FOXP2: variants seen among roughly 807,000 people sequenced by gnomAD.
FOXP2 encodes forkhead box P2, also known as forkhead box protein P2.
A neutral mutation model predicts 115.8 loss-of-function variants in FOXP2; 12 were observed. The observed-to-expected ratio is 0.10, with a 90% CI of 0.07 to 0.17. The LOEUF is 0.17. FOXP2 is among the 10% of genes least tolerant of loss of function. The probability of loss-of-function intolerance (pLI) is 1.00; values close to 1 mark genes in which losing one functional copy is unlikely to be tolerated. For synonymous variants in FOXP2, 328 were observed against 297.7 expected, an observed-to-expected ratio of 1.10 and a Z score of -1.05; for missense variants, 629 against 843.5, an observed-to-expected ratio of 0.75 and a Z score of 3.15.
chr7:114,624,995 A>G (rs1490448636), intron 3 of FOXP2, among the ~76,000 whole-genome samples: 1 of 151,550 alleles, frequency 6.6e-6, no homozygotes, highest in South Asian at 2.1e-4. Flanking sequence ...TTTAGAATGC[A>G]TAAACCTATC....
At chr7:114,556,125 A>T (rs1800441575) in intron 3 of FOXP2, among the ~76,000 whole-genome samples, 1 of 152,206 alleles carries the variant, frequency 6.6e-6, no homozygotes. Flanking sequence ...TTCATGTCAA[A>T]TGGTAAGAAG....
chr7:114,621,543 C>T (rs865897012), intron 3 of FOXP2, among the ~76,000 whole-genome samples: 1 of 152,030 alleles, frequency 6.6e-6, no homozygotes, highest in African/African-American at 2.4e-5. Context: ...CCTCAGTTTT[C>T]CCTTTTTTTC....
chr7:114,281,170 C>T (rs1055173096), intron 1 of FOXP2, among the ~76,000 whole-genome samples: 3 of 122,600 alleles, frequency 2.4e-5, no homozygotes, highest in Non-Finnish European at 4.8e-5. Flanking sequence ...GGCGTAATTT[C>T]GGCTCACTGC....
intron 1 of FOXP2, among the ~76,000 whole-genome samples, chr7:114,277,524 T>TA (rs965443991): frequency 1.3e-5 from 2 of 151,844 alleles, no homozygotes; most frequent in Admixed American, 6.6e-5. Flanking sequence ...TAAAGACCAT[T>TA]AAAAAAAACC....
At chr7:114,628,962 TTTG>T (rs1804744026) in intron 4 of FOXP2, 1 of 358,234 alleles carries the variant, frequency 2.8e-6, no homozygotes, top group Non-Finnish European at 5.2e-6. Context: ...GTACATTCAA[TTTG>T]TTGACTTGCC....
chr7:114,612,364 A>G (rs1191451657), intron 3 of FOXP2, among the ~76,000 whole-genome samples: 1 of 116,372 alleles, frequency 8.6e-6, no homozygotes, highest in Non-Finnish European at 1.8e-5. Flanking sequence ...ATATATGTAT[A>G]TATATACTAT....
intron 1 of FOXP2, among the ~76,000 whole-genome samples, chr7:114,143,909 G>A (rs981999380): frequency 2.0e-5 from 3 of 151,858 alleles, no homozygotes; most frequent in Admixed American, 6.6e-5. Context: ...CTTCATGATG[G>A]TATGAAACCA....
intron 2 of FOXP2, among the ~76,000 whole-genome samples, chr7:114,357,101 T>A (rs1437234012): frequency 6.6e-6 from 1 of 152,152 alleles, no homozygotes; most frequent in Non-Finnish European, 1.5e-5. Context: ...ATTAACTCTG[T>A]AAGTAAATGC....
chr7:114,144,239 T>C (rs1025384478), intron 1 of FOXP2, among the ~76,000 whole-genome samples: 2 of 152,164 alleles, frequency 1.3e-5, no homozygotes, highest in Non-Finnish European at 2.9e-5. Flanking sequence ...TCAAGGAGTA[T>C]CTGTATTTTT....
At chr7:114,510,501 C>T (rs1392262438) in intron 2 of FOXP2, among the ~76,000 whole-genome samples, 1 of 152,076 alleles carries the variant, frequency 6.6e-6, no homozygotes, top group Non-Finnish European at 1.5e-5. Flanking sequence ...TGTGAAAGGG[C>T]CCATTTTGCT....
chr7:114,233,550 G>A (rs981037938), intron 1 of FOXP2, among the ~76,000 whole-genome samples: 14 of 152,232 alleles, frequency 9.2e-5, no homozygotes, highest in Non-Finnish European at 1.2e-4. Context: ...GAGTGGATTA[G>A]CTGGGGCTCT....
At chr7:114,161,175 T>G (rs545642044), upstream of FOXP2, among the ~76,000 whole-genome samples, 1 of 152,324 alleles carries the variant, frequency 6.6e-6, no homozygotes, top group South Asian at 2.1e-4. Context: ...AAGTGCCTGT[T>G]GATAAGTTTC....
intron 2 of FOXP2, among the ~76,000 whole-genome samples, chr7:114,464,649 T>C (rs568159555): frequency 6.6e-6 from 1 of 152,362 alleles, no homozygotes; most frequent in African/African-American, 2.4e-5. Context: ...GTTTCTGTTT[T>C]TGTTTTTTCA....
chr7:114,356,173 GGTAA>G (rs1379026729), intron 2 of FOXP2, among the ~76,000 whole-genome samples: 5 of 152,014 alleles, frequency 3.3e-5, no homozygotes, highest in Non-Finnish European at 7.4e-5. Flanking sequence ...TAAATAAGTT[GGTAA>G]GTAAGTAAAT....
At chr7:114,207,782 TTACTC>T (rs1563005674) in intron 1 of FOXP2, among the ~76,000 whole-genome samples, 1 of 152,336 alleles carries the variant, frequency 6.6e-6, no homozygotes, top group South Asian at 2.1e-4. Context: ...TGTCTTCAGA[TTACTC>T]TACAATAGGA....
At chr7:114,443,398 A>G (rs986165582) in intron 2 of FOXP2, among the ~76,000 whole-genome samples, 6 of 152,144 alleles carry the variant, frequency 3.9e-5, no homozygotes, top group Non-Finnish European at 2.9e-5. Context: ...TTGTACTGAC[A>G]ATCACTTCCT....
chr7:114,142,416 A>G (rs555427456), intron 1 of FOXP2, among the ~76,000 whole-genome samples: 1 of 152,262 alleles, frequency 6.6e-6, no homozygotes, highest in African/African-American at 2.4e-5. Flanking sequence ...AATTTTCTTA[A>G]TATTATAAAT....
chr7:114,434,496 A>G (rs969233740), intron 2 of FOXP2, among the ~76,000 whole-genome samples: 1 of 151,560 alleles, frequency 6.6e-6, no homozygotes, highest in African/African-American at 2.4e-5. Flanking sequence ...TAAATAATTA[A>G]TAGTAAATTT....
chr7:114,334,888 C>CTG (rs1438671810), intron 2 of FOXP2, among the ~76,000 whole-genome samples: 33 of 139,566 alleles, frequency 2.4e-4, no homozygotes, highest in Admixed American at 5.1e-4. Flanking sequence ...AAGGATATCT[C>CTG]TGTGTGTGTG....
Sources: allele counts gnomAD v4.1 joint callset (sites outside exome capture counted in the v4.1 genomes callset), GRCh38; gene constraint gnomAD v4.1.1; transcripts MANE v1.5; gene names NCBI Gene and HGNC (gene_info 2026-07-23, HGNC 2026-07-21).